Variants in SATB2 observed in about 807,000 individuals in gnomAD.
The protein encoded by SATB2 is SATB homeobox 2.
Under a neutral mutation model 73.4 loss-of-function variants are expected in SATB2, and 1 was observed. That is an observed-to-expected ratio of 0.01 (90% CI 0.00 to 0.06). The LOEUF is 0.06. SATB2 is among the 10% of genes least tolerant of loss of function. The pLI is 1.00. For missense variants in SATB2, 459 were observed against 945.8 expected, an observed-to-expected ratio of 0.49 and a Z score of 6.75; for synonymous variants, 397 against 367.0, an observed-to-expected ratio of 1.08 and a Z score of -0.93.
intron 6 of SATB2, among the ~76,000 whole-genome samples, chr2:199,355,171 T>TAC (rs139867776): frequency 2.0e-4 from 30 of 149,546 alleles, no homozygotes; most frequent in East Asian, 5.9e-4. Flanking sequence ...AATAAAATAA[T>TAC]ACACACACAC....
In SATB2 at chr2:199,318,533, C is replaced by T. The variant is rs531743209; in HGVS notation, c.1542+5270G>A. Among the ~76,000 whole-genome samples the T allele has an allele frequency of 5.9e-5, 9 of 152,136 alleles. No individual in the cohort carries two copies. In the South Asian group the frequency reaches 1.7e-3, roughly 28 times the overall value. On this transcript the variant is annotated intron_variant, in intron 9 of 10. Transcript: ENST00000417098. Reference sequence around the variant, plus strand: ...ATATCAATTAGGACATAAACATACACATATACTCCCATGCAAACATATACA... The same window carrying T: ...ATATCAATTAGGACATAAACATACATATATACTCCCATGCAAACATATACA...
rs79070061 is a variant in SATB2, at chr2:199,370,788, G to A, written c.598-2081C>T. ...GAATATCTGGGCTCCTACTGGCTCC[G>A]TCGGCAGGTCCTATATTTCATATAA... On this transcript the variant is annotated intron_variant, in intron 5 of 10. Transcript: ENST00000417098. Among the ~76,000 whole-genome samples the A allele has an allele frequency of 6.7e-3, 1,019 of 152,136 alleles. 5 individuals are homozygous for A. The highest frequency in any genetic ancestry group is 1.0e-2 in the Non-Finnish European group (679 of 67,972).
chr2:199,382,377 A>G (rs1689805503), intron 3 of SATB2, among the ~76,000 whole-genome samples: 1 of 152,204 alleles, frequency 6.6e-6, no homozygotes, highest in Non-Finnish European at 1.5e-5. Flanking sequence ...GGCCAAATGC[A>G]ATACCACGGT....
chr2:199,288,080 T>C (rs2105737054), intron 10 of SATB2, among the ~76,000 whole-genome samples: 1 of 152,312 alleles, frequency 6.6e-6, no homozygotes, highest in South Asian at 2.1e-4. Context: ...GAGGCTATTA[T>C]TCAATATTTC....
intron 10 of SATB2, among the ~76,000 whole-genome samples, chr2:199,289,039 C>A (rs1339510611): frequency 6.6e-6 from 1 of 152,056 alleles, no homozygotes; most frequent in African/African-American, 2.4e-5. Context: ...TATTTTCTTG[C>A]AAGAGAAAAA....
chr2:199,386,695 A>AGC (rs71407896), intron 3 of SATB2, among the ~76,000 whole-genome samples: 4 of 2,020 alleles, frequency 2.0e-3, no homozygotes, highest in African/African-American at 3.2e-3. Context: ...CACGTGCGCA[A>AGC]GCGCGCGCGC....
At chr2:199,386,777 C>T (rs1045044678) in intron 3 of SATB2, among the ~76,000 whole-genome samples, 15 of 149,904 alleles carry the variant, frequency 1.0e-4, no homozygotes, top group Non-Finnish European at 1.9e-4. Context: ...CCTTTGAGTT[C>T]AGCCAGGAAC....
In SATB2 at chr2:199,463,996, C is replaced by A. The variant is rs918573103; in HGVS notation, c.-141+840G>T. Among the ~76,000 whole-genome samples, 1 of 152,198 alleles carries A rather than the reference C, an allele frequency of 6.6e-6. No individual in the cohort carries two copies. The highest frequency in any genetic ancestry group is 2.4e-5 in the African/African-American group (1 of 41,464). ...AACCAAGCGGAGAGGGCGAAAAAGC[C>A]CGCTGCGGGACCCACGGTCCCAGAC... is the stretch of plus-strand genomic sequence containing the variant. On this transcript the variant is annotated intron_variant, in intron 1 of 11. Coordinates refer to the SATB2 transcript ENST00000260926. This position sits in a 1 kb window ranked among gnomAD's most constrained non-coding sequence, Gnocchi z 6.4.
At chr2:199,382,349 A>G (rs905464274) in intron 3 of SATB2, among the ~76,000 whole-genome samples, 1 of 152,180 alleles carries the variant, frequency 6.6e-6, no homozygotes. Flanking sequence ...TTCAGCAGGC[A>G]GTGGGGTTGC....
chr2:199,423,811 G>A (rs1324996816), intron 3 of SATB2: 1 of 152,142 alleles, frequency 6.6e-6, no homozygotes, highest in Non-Finnish European at 1.5e-5. Context: ...CTTTTACCAG[G>A]GAGATTATTA....
intron 3 of SATB2, among the ~76,000 whole-genome samples, chr2:199,383,685 TA>T (rs758499740): frequency 5.9e-5 from 9 of 151,784 alleles, no homozygotes; most frequent in Admixed American, 5.9e-4. Flanking sequence ...GCAAGTAATA[TA>T]AAAAAAAGGA....
At chr2:199,403,662 G>GT (rs1284805063) in intron 3 of SATB2, among the ~76,000 whole-genome samples, 1 of 152,080 alleles carries the variant, frequency 6.6e-6, no homozygotes, top group African/African-American at 2.4e-5. Context: ...AGAAATCTCA[G>GT]TTTTTTAAAT....
intron 8 of SATB2, among the ~76,000 whole-genome samples, chr2:199,327,395 C>T (rs900529466): frequency 6.6e-6 from 1 of 152,150 alleles, no homozygotes; most frequent in African/African-American, 2.4e-5. Context: ...AAGCCATGAT[C>T]ACACCACTGC....
At chr2:199,377,870 C>T (rs1415011841) in intron 5 of SATB2, among the ~76,000 whole-genome samples, 2 of 152,026 alleles carry the variant, frequency 1.3e-5, no homozygotes, top group South Asian at 2.1e-4. Context: ...TAGGATCAAA[C>T]AGAAGGGTGA....
intron 3 of SATB2, chr2:199,396,815 C>T (rs768604673): frequency 1.3e-5 from 2 of 152,222 alleles, no homozygotes; most frequent in South Asian, 2.1e-4. Flanking sequence ...GGCAGGTACC[C>T]GAGGGCCATA....
At chr2:199,386,678 T>C (rs924881069) in intron 3 of SATB2, among the ~76,000 whole-genome samples, 18 of 150,704 alleles carry the variant, frequency 1.2e-4, no homozygotes, top group African/African-American at 4.2e-4. Context: ...TTAGGAAATA[T>C]TTCATACACG....
At chr2:199,391,196 A>G (rs1387451520) in intron 3 of SATB2, among the ~76,000 whole-genome samples, 1 of 152,114 alleles carries the variant, frequency 6.6e-6, no homozygotes, top group Non-Finnish European at 1.5e-5. Context: ...CTGTAATCCC[A>G]GCACTTAGGG....
rs551180134 is a variant in SATB2 at position 199,447,032 on chromosome 2, C to T, written c.169+8837G>A. ...CTGCAGTTTTAGTATCCCCACCACA[C>T]ATGGGGGTAACCCGAGTTATCCCCA... On this transcript the variant is annotated intron_variant, in intron 2 of 10. Transcript: ENST00000417098. Among the ~76,000 whole-genome samples the T allele has an allele frequency of 1.8e-4, 28 of 152,314 alleles. No individual in the cohort carries two copies. The South Asian group carries it at 5.0e-3, about 27-fold the overall frequency.
chr2:199,405,806 A>C (rs1287943203), intron 3 of SATB2, among the ~76,000 whole-genome samples: 1 of 152,122 alleles, frequency 6.6e-6, no homozygotes, highest in African/African-American at 2.4e-5. Flanking sequence ...AAGAAATAAA[A>C]AAGCTTCAGG....
Sources: allele counts gnomAD v4.1 joint callset (sites outside exome capture counted in the v4.1 genomes callset), GRCh38; gene constraint gnomAD v4.1.1; non-coding constraint Gnocchi (gnomAD v3.1); transcripts MANE v1.5; gene names NCBI Gene and HGNC (gene_info 2026-07-23, HGNC 2026-07-21).